KCNH1: variants seen among roughly 807,000 people sequenced by gnomAD.
KCNH1 encodes the protein potassium voltage-gated channel subfamily H member 1.
KCNH1 carries 27 observed loss-of-function variants against 69.2 expected under a neutral mutation model. That is an observed-to-expected ratio of 0.39 (90% CI 0.29 to 0.54). The LOEUF (loss-of-function observed/expected upper bound fraction) is 0.54, where lower values mean the gene tolerates loss of function less well. Among genes scored for constraint, KCNH1 ranks in the 20% least tolerant of loss-of-function variants. The probability of loss-of-function intolerance (pLI) is 0.68; values close to 1 mark genes in which losing one functional copy is unlikely to be tolerated. For missense variants in KCNH1, 798 were observed against 1,261.6 expected (o/e 0.63, Z 5.57); for synonymous variants, 456 against 487.7 (o/e 0.93, Z 0.86).
chr1:210,685,376 A>T (rs191162502), intron 10 of KCNH1, among the ~76,000 whole-genome samples: 32 of 152,254 alleles, frequency 2.1e-4, no homozygotes, highest in Non-Finnish European at 3.8e-4. Context: ...CTCATCATCC[A>T]ATCTGGAAAA....
chr1:211,095,130 C>T (rs1281361826), intron 3 of KCNH1, among the ~76,000 whole-genome samples: 1 of 152,110 alleles, frequency 6.6e-6, no homozygotes, highest in African/African-American at 2.4e-5. Flanking sequence ...CATCAAGATG[C>T]TAGAGAGGCA....
At position 210,740,732 on chromosome 1, in the gene KCNH1, T is replaced by TTTA. The variant is rs749631249; in HGVS notation, c.2112+34615_2112+34616insTAA. On this transcript the variant is annotated intron_variant, in intron 10 of 10. Coordinates refer to ENST00000271751, the MANE Select transcript of KCNH1 (RefSeq NM_172362.3). ...TTTTTTTTTTTTTTTTTTTTTTTTT[T>TTTA]ACTAAAAGAAACTTTGGAAGAATCA... is the stretch of plus-strand genomic sequence containing the variant. Among the ~76,000 whole-genome samples, 13 of 131,858 alleles carry TTTA rather than the reference T, an allele frequency of 9.9e-5. 1 individual carries two copies. The highest frequency in any genetic ancestry group is 1.9e-4 in the Non-Finnish European group (12 of 63,676). 86.5% of individuals were successfully genotyped at this position (131,858 alleles called of 152,430 possible). A position where few individuals can be genotyped will look rare whatever the true frequency, so the allele number is the denominator to read the frequency against.
intron 5 of KCNH1, among the ~76,000 whole-genome samples, chr1:211,033,136 A>G (rs1689823641): frequency 6.6e-6 from 1 of 152,264 alleles, no homozygotes; most frequent in Non-Finnish European, 1.5e-5. Context: ...GAAGACATTT[A>G]TGCAGCCAAA....
chr1:210,975,681 T>C (rs1282694013), intron 6 of KCNH1, among the ~76,000 whole-genome samples: 3 of 152,178 alleles, frequency 2.0e-5, no homozygotes. Context: ...ATTCAGGACA[T>C]GGGCATAGGC....
intron 1 of KCNH1, among the ~76,000 whole-genome samples, chr1:211,116,472 C>T (rs1024558345): frequency 2.0e-5 from 3 of 152,178 alleles, no homozygotes; most frequent in African/African-American, 7.2e-5. Context: ...AGTTTTTATG[C>T]AGGCAATACT....
intron 6 of KCNH1, among the ~76,000 whole-genome samples, chr1:211,000,361 C>T (rs1041757984): frequency 4.6e-5 from 7 of 152,172 alleles, no homozygotes; most frequent in Non-Finnish European, 1.0e-4. Flanking sequence ...CATTCTTATA[C>T]ACCACTAACA....
At chr1:210,828,890 T>G (rs6695591) in intron 7 of KCNH1, among the ~76,000 whole-genome samples, 34,901 of 152,164 alleles carry the variant, frequency 0.23, 4,994 homozygotes, top group Non-Finnish European at 0.33. Context: ...TTGCAATGAC[T>G]TCCTGAATAA....
intron 7 of KCNH1, among the ~76,000 whole-genome samples, chr1:210,826,280 C>T (rs958135369): frequency 6.6e-6 from 1 of 152,116 alleles, no homozygotes; most frequent in Non-Finnish European, 1.5e-5. Context: ...CATCAGTAGG[C>T]GAGCTCTGAG....
At chr1:211,026,014 A>C (rs1287102838) in intron 5 of KCNH1, among the ~76,000 whole-genome samples, 1 of 152,138 alleles carries the variant, frequency 6.6e-6, no homozygotes, top group African/African-American at 2.4e-5. Context: ...CCCTGGACTC[A>C]CTTTGTCTCT....
chr1:210,832,264 G>A (rs1036169882), intron 7 of KCNH1, among the ~76,000 whole-genome samples: 1 of 152,162 alleles, frequency 6.6e-6, no homozygotes, highest in Non-Finnish European at 1.5e-5. Context: ...TCTTATCTGA[G>A]CCTGCTTAGA....
intron 9 of KCNH1, among the ~76,000 whole-genome samples, chr1:210,793,607 A>C (rs1368132500): frequency 6.6e-6 from 1 of 152,250 alleles, no homozygotes; most frequent in Non-Finnish European, 1.5e-5. Context: ...CTGTGCTAAA[A>C]TTAAACAGAG....
intron 6 of KCNH1, among the ~76,000 whole-genome samples, chr1:210,929,232 A>G (rs1687635522): frequency 6.6e-6 from 1 of 152,180 alleles, no homozygotes; most frequent in Admixed American, 6.5e-5. Flanking sequence ...CAAAAAAGAA[A>G]ACTACAGGCC....
At chr1:210,702,669 T>C (rs1681810548) in intron 10 of KCNH1, among the ~76,000 whole-genome samples, 1 of 152,246 alleles carries the variant, frequency 6.6e-6, no homozygotes, top group Non-Finnish European at 1.5e-5. Context: ...AATCTTACTA[T>C]CCCATATAAG....
chr1:210,893,210 C>G (rs1028859900), intron 7 of KCNH1, among the ~76,000 whole-genome samples: 3 of 152,080 alleles, frequency 2.0e-5, no homozygotes, highest in Non-Finnish European at 4.4e-5. Context: ...TAATGACAAA[C>G]TTTTTTCAGA....
intron 7 of KCNH1, among the ~76,000 whole-genome samples, chr1:210,894,729 C>G (rs575331497): frequency 6.6e-6 from 1 of 152,138 alleles, no homozygotes; most frequent in African/African-American, 2.4e-5. Flanking sequence ...GCTCTCTTGC[C>G]CATTCACCAT....
chr1:210,960,995 T>C (rs1490237212), intron 6 of KCNH1, among the ~76,000 whole-genome samples: 1 of 152,224 alleles, frequency 6.6e-6, no homozygotes, highest in Non-Finnish European at 1.5e-5. Context: ...AACTAATTGA[T>C]GCTGAGCTTT....
intron 6 of KCNH1, among the ~76,000 whole-genome samples, chr1:210,928,305 A>G (rs1687614929): frequency 6.6e-6 from 1 of 152,220 alleles, no homozygotes; most frequent in South Asian, 2.1e-4. Context: ...AAGATAGACC[A>G]TATGATAGGC....
At position 210,773,995 on chromosome 1, in the gene KCNH1, G is replaced by A. The variant is rs58670899; in HGVS notation, c.2112+1353C>T. On this transcript the variant is annotated intron_variant, in intron 10 of 10. Coordinates refer to ENST00000271751, the MANE Select transcript of KCNH1 (RefSeq NM_172362.3). ...TGAGAAAGCAGCAGGCAGAGACACGGCACTCTGAAGGGATGTGGTGTGCTT... is the reference window on the plus strand; with the variant it reads ...TGAGAAAGCAGCAGGCAGAGACACGACACTCTGAAGGGATGTGGTGTGCTT... 1.9e-4 allele frequency among the ~76,000 whole-genome samples: 29 copies of A among 152,210 alleles called. No homozygotes were observed. The East Asian group carries it at 3.5e-3, about 18-fold the overall frequency.
At chr1:210,842,392 GGGAACACAGAT>G (rs1451154757) in intron 7 of KCNH1, among the ~76,000 whole-genome samples, 6 of 152,126 alleles carry the variant, frequency 3.9e-5, no homozygotes, top group Admixed American at 6.6e-5. Flanking sequence ...CAGATAGACA[GGGAACACAGAT>G]GGTGAGAGAC....
Sources: allele counts gnomAD v4.1 joint callset (sites outside exome capture counted in the v4.1 genomes callset), GRCh38; gene constraint gnomAD v4.1.1; transcripts MANE v1.5; gene names NCBI Gene and HGNC (gene_info 2026-07-23, HGNC 2026-07-21).